Variants in AKAP19 observed in about 807,000 individuals in gnomAD.
The protein encoded by AKAP19 is small A-kinase anchoring protein.
chr2:190,163,197 G>A, the AKAP19 span, among the ~76,000 whole-genome samples: 1 of 152,054 alleles, frequency 6.6e-6, no homozygotes, highest in Non-Finnish European at 1.5e-5. Flanking sequence ...CACTTTGGGA[G>A]GCCGAGACGG....
chr2:190,097,151 T>C, the AKAP19 span, among the ~76,000 whole-genome samples: 1 of 152,168 alleles, frequency 6.6e-6, no homozygotes, highest in Non-Finnish European at 1.5e-5. Flanking sequence ...GGTGGTTTGC[T>C]GCATAGATCA....
the AKAP19 span, among the ~76,000 whole-genome samples, chr2:190,083,919 G>T: frequency 5.3e-5 from 8 of 152,226 alleles, no homozygotes; most frequent in East Asian, 1.4e-3. Flanking sequence ...CAGCGAGCAA[G>T]TTACGGATCT....
chr2:190,106,141 G>A, the AKAP19 span, among the ~76,000 whole-genome samples: 1 of 152,198 alleles, frequency 6.6e-6, no homozygotes, highest in Non-Finnish European at 1.5e-5. Context: ...AGGCATGTGA[G>A]ACATAATAAT....
the AKAP19 span, among the ~76,000 whole-genome samples, chr2:189,991,504 C>T: frequency 2.6e-5 from 4 of 151,990 alleles, no homozygotes; most frequent in Non-Finnish European, 5.9e-5. Context: ...CTTTTGAGAA[C>T]TGTCTATTCA....
At chr2:190,087,973 C>G in the AKAP19 span, among the ~76,000 whole-genome samples, 1 of 151,984 alleles carries the variant, frequency 6.6e-6, no homozygotes, top group African/African-American at 2.4e-5. Context: ...AAATTCCGGA[C>G]ACACACAAAA....
chr2:189,983,286 G>T, the AKAP19 span, among the ~76,000 whole-genome samples: 2 of 152,106 alleles, frequency 1.3e-5, no homozygotes, highest in Non-Finnish European at 2.9e-5. Context: ...CCATCAAAAT[G>T]GGCTTGTGGC....
At chr2:189,978,353 G>A in the AKAP19 span, among the ~76,000 whole-genome samples, 1 of 152,140 alleles carries the variant, frequency 6.6e-6, no homozygotes, top group African/African-American at 2.4e-5. Context: ...GGGCATGGTG[G>A]CTCATGCCTG....
At chr2:189,961,619 A>G in the AKAP19 span, among the ~76,000 whole-genome samples, 1 of 152,140 alleles carries the variant, frequency 6.6e-6, no homozygotes, top group African/African-American at 2.4e-5. Flanking sequence ...GTGACCTTAA[A>G]GTATCAGACT....
At chr2:190,147,627 T>C in the AKAP19 span, among the ~76,000 whole-genome samples, 1 of 151,958 alleles carries the variant, frequency 6.6e-6, no homozygotes, top group Non-Finnish European at 1.5e-5. Flanking sequence ...TATGCATTCA[T>C]GAGCATGGGA....
the AKAP19 span, among the ~76,000 whole-genome samples, chr2:190,103,115 A>G: frequency 1.3e-5 from 2 of 152,366 alleles, no homozygotes; most frequent in South Asian, 2.1e-4. Flanking sequence ...ATAGATACAG[A>G]AAAAGCCTTG....
chr2:189,924,223 A>G, the AKAP19 span: 1 of 1,514,654 alleles, frequency 6.6e-7, no homozygotes, highest in Non-Finnish European at 9.2e-7. Flanking sequence ...TTAAGCACAT[A>G]GTGGGGTTTA....
At chr2:189,919,885 T>G in the AKAP19 span, among the ~76,000 whole-genome samples, 6 of 152,212 alleles carry the variant, frequency 3.9e-5, no homozygotes, top group African/African-American at 1.2e-4. Flanking sequence ...CTATCTGCCT[T>G]CCTTCTTCCT....
the AKAP19 span, among the ~76,000 whole-genome samples, chr2:190,185,566 T>A: frequency 6.6e-6 from 1 of 152,160 alleles, no homozygotes; most frequent in Non-Finnish European, 1.5e-5. Context: ...TTCATGGCCA[T>A]AAATAGGAGT....
At chr2:190,094,563 C>T in the AKAP19 span, among the ~76,000 whole-genome samples, 5 of 152,198 alleles carry the variant, frequency 3.3e-5, no homozygotes, top group African/African-American at 1.2e-4. Flanking sequence ...GTTTATTCTT[C>T]TATTTCTGTT....
At chr2:190,175,974 C>A in the AKAP19 span, among the ~76,000 whole-genome samples, 2 of 152,196 alleles carry the variant, frequency 1.3e-5, no homozygotes, top group Non-Finnish European at 2.9e-5. Context: ...GGGTTCCCCA[C>A]CTCTGGAGGA....
chr2:190,160,507 T>C, the AKAP19 span, among the ~76,000 whole-genome samples: 1 of 152,190 alleles, frequency 6.6e-6, no homozygotes, highest in African/African-American at 2.4e-5. Flanking sequence ...ATTTATTTTC[T>C]CCCATGAGGT....
At chr2:190,041,995 C>G in the AKAP19 span, among the ~76,000 whole-genome samples, 1 of 152,082 alleles carries the variant, frequency 6.6e-6, no homozygotes, top group African/African-American at 2.4e-5. Context: ...TATTGTGTCT[C>G]TGCCAGGTTT....
At chr2:189,969,620 C>T in the AKAP19 span, among the ~76,000 whole-genome samples, 1 of 149,372 alleles carries the variant, frequency 6.7e-6, no homozygotes, top group Non-Finnish European at 1.5e-5. Context: ...ATCCCAGCTA[C>T]TGGGGAGGCT....
the AKAP19 span, among the ~76,000 whole-genome samples, chr2:190,116,139 A>G: frequency 6.6e-6 from 1 of 152,208 alleles, no homozygotes; most frequent in Non-Finnish European, 1.5e-5. Flanking sequence ...ATATCACAGG[A>G]AAAAAGGGGA....
Sources: allele counts gnomAD v4.1 joint callset (sites outside exome capture counted in the v4.1 genomes callset), GRCh38; gene constraint gnomAD v4.1.1; transcripts MANE v1.5; gene names NCBI Gene and HGNC (gene_info 2026-07-23, HGNC 2026-07-21).